The following ERO1A variants were observed in gnomAD, a reference collection of about 807,000 sequenced individuals.
The protein encoded by ERO1A is ERO1-like protein alpha.
A neutral mutation model predicts 76.9 loss-of-function variants in ERO1A; 49 were observed. The ratio of observed to expected loss-of-function variants is 0.64; its 90% CI spans 0.51 to 0.81. The LOEUF is 0.81. Ranked by LOEUF, ERO1A falls within the 30% of genes least tolerant of loss-of-function variation. ERO1A has a pLI of 0.00. For missense variants in ERO1A, 448 were observed against 542.1 expected (o/e 0.83, Z 1.72); for synonymous variants, 174 against 181.2 (o/e 0.96, Z 0.32).
intron 12 of ERO1A, 46 bp downstream of exon 12, chr14:52,653,023 A>T: frequency 7.7e-7 from 1 of 1,307,172 alleles, no homozygotes; most frequent in Non-Finnish European, 1.1e-6. Context: ...CTTGTACATT[A>T]ATTGTCACTC....
chr14:52,693,686 G>A (rs117361350), intron 1 of ERO1A, among the ~76,000 whole-genome samples: 4,702 of 151,524 alleles, frequency 0.031, 249 homozygotes, highest in East Asian at 0.21. Context: ...TTGTAGAGAC[G>A]GGGGTTTCAC....
intron 4 of ERO1A, among the ~76,000 whole-genome samples, chr14:52,674,820 T>C (rs1394617500): frequency 6.6e-6 from 1 of 152,218 alleles, no homozygotes; most frequent in Non-Finnish European, 1.5e-5. Context: ...GGTATATGCA[T>C]TTGTCAACAT....
intron 1 of ERO1A, among the ~76,000 whole-genome samples, chr14:52,686,525 A>C (rs17681013): frequency 0.43 from 65,698 of 152,084 alleles, 15,050 homozygotes; most frequent in Middle Eastern, 0.55. Context: ...CAGAGGTGGC[A>C]TATAGCCAAG....
rs1223696363 is a variant in ERO1A at position 52,640,492 on chromosome 14, CCAAA to C, written c.*3074_*3077del. The C allele has an allele frequency of 6.6e-6, 1 of 152,206 alleles. No individual in the cohort carries two copies. The highest frequency in any genetic ancestry group is 1.5e-5 in the Non-Finnish European group (1 of 68,042). The allele number at this position is 152,206 out of a possible 1,614,324, so 9.4% of individuals were successfully genotyped here. The stretch of plus-strand genomic sequence containing the variant: ...GAAACACATCAGAAGACCTTGTACA[CCAAA>C]CAGAGGAGTTTGGCTTTCTCCTGAA... On this transcript the variant is annotated 3_prime_UTR_variant, in exon 16 of 16. Transcript: ENST00000395686.
intron 11 of ERO1A, among the ~76,000 whole-genome samples, chr14:52,654,536 A>G (rs2039979943): frequency 6.6e-6 from 1 of 152,190 alleles, no homozygotes; most frequent in South Asian, 2.1e-4. Context: ...TGTTTTTTAT[A>G]TATAAATGTA....
intron 8 of ERO1A, among the ~76,000 whole-genome samples, chr14:52,662,622 C>T (rs2040265718): frequency 6.6e-6 from 1 of 152,116 alleles, no homozygotes; most frequent in Non-Finnish European, 1.5e-5. Flanking sequence ...TTCAACAAAC[C>T]ATTCTTCATA....
chr14:52,667,951 A>G (rs1384749598), intron 6 of ERO1A, among the ~76,000 whole-genome samples: 1 of 151,862 alleles, frequency 6.6e-6, no homozygotes, highest in Non-Finnish European at 1.5e-5. Flanking sequence ...AAAACCACAA[A>G]AACAAAAAAA....
chr14:52,660,940 C>T (rs1309012614), intron 9 of ERO1A, among the ~76,000 whole-genome samples: 5 of 152,208 alleles, frequency 3.3e-5, no homozygotes, highest in Non-Finnish European at 5.9e-5. Context: ...ATGCCCAGAA[C>T]CTTCCTACAT....
chr14:52,644,359 G>C (rs1443930453), intron 15 of ERO1A, among the ~76,000 whole-genome samples: 1 of 152,054 alleles, frequency 6.6e-6, no homozygotes, highest in Non-Finnish European at 1.5e-5. Flanking sequence ...AGACTAAGGT[G>C]GGAGAATCTA....
In ERO1A at chr14:52,641,080, TAAG is replaced by T. The variant is rs1191581654; in HGVS notation, c.*2487_*2489del. 6.6e-6 allele frequency: 1 copy of T among 152,112 alleles called. No individual in the cohort carries two copies. The highest frequency in any genetic ancestry group is 2.4e-5 in the African/African-American group (1 of 41,404). The allele number at this position is 152,112 out of a possible 1,614,324, so 9.4% of individuals were successfully genotyped here. A position where few individuals can be genotyped will look rare whatever the true frequency, so the allele number is the denominator to read the frequency against. On this transcript the variant is annotated 3_prime_UTR_variant, in exon 16 of 16. Transcript: ENST00000395686. ...GGGTGGTTCAGGAGTGAGCAAAATG[TAAG>T]AAGTCAAGGGAATAAATCTTTAAAG...
At chr14:52,682,281 T>G (rs764031573) in intron 3 of ERO1A, 44 bp downstream of exon 3, 1 of 1,394,644 alleles carries the variant, frequency 7.2e-7, no homozygotes, top group Admixed American at 2.1e-5. Flanking sequence ...TTATAATGAA[T>G]GAAAAAACAT....
intron 6 of ERO1A, among the ~76,000 whole-genome samples, chr14:52,668,000 A>G (rs1025766059): frequency 3.3e-5 from 5 of 152,016 alleles, no homozygotes; most frequent in Non-Finnish European, 5.9e-5. Flanking sequence ...AATTCACAGT[A>G]TATTAGAAGC....
chr14:52,671,697 T>C lies in ERO1A; in HGVS notation c.441A>G (p.Glu147=), dbSNP rs577194655. 3.2e-5 allele frequency: 52 copies of C among 1,603,976 alleles called. No homozygotes were observed. In the South Asian group the frequency reaches 5.9e-4, roughly 18 times the overall value. The change falls in exon 6 of 16, where the codon GAA becomes GAG. Residue 147 remains glutamate, a synonymous_variant. Coordinates refer to ENST00000395686, the MANE Select transcript of ERO1A (RefSeq NM_014584.3). ...TCCACTGAAGAACAGCCTTCTGTGT[T>C]TCCTCACTTCAAACAAAGAAAAAAA... ...LGAVDESLSE[E]TQKAVLQWTK...
rs1352940380 is a variant in ERO1A at position 52,665,539 on chromosome 14, TATA to T, written c.629+833_629+835del. Among the ~76,000 whole-genome samples, 7 of 152,088 alleles carry T rather than the reference TATA, an allele frequency of 4.6e-5. No homozygotes were observed. The East Asian group carries it at 9.7e-4, about 21-fold the overall frequency. On this transcript the variant is annotated intron_variant, in intron 7 of 15. Transcript: ENST00000395686. The stretch of plus-strand genomic sequence containing the variant: ...TATTTGACTTATAAAAAGTGAAATA[TATA>T]ATATTATCCCCATATTTGGGAACTC...
chr14:52,647,338 TGGTATGAATAA>T (rs2039706500), intron 13 of ERO1A, among the ~76,000 whole-genome samples: 2 of 151,604 alleles, frequency 1.3e-5, no homozygotes, highest in South Asian at 2.1e-4. Context: ...CCCTTCTTTC[TGGTATGAATAA>T]GGTAAACAAT....
At chr14:52,691,494 TCTGA>T (rs1421116361) in intron 1 of ERO1A, among the ~76,000 whole-genome samples, 3 of 152,332 alleles carry the variant, frequency 2.0e-5, no homozygotes, top group African/African-American at 4.8e-5. Context: ...CAAAGATCCC[TCTGA>T]CTAAGTTATA....
intron 3 of ERO1A, among the ~76,000 whole-genome samples, chr14:52,680,347 G>C (rs1465981965): frequency 6.6e-6 from 1 of 152,160 alleles, no homozygotes. Flanking sequence ...TCTGTCAACT[G>C]ATGGAATCAA....
chr14:52,695,555 A>C lies in ERO1A; in HGVS notation c.-74T>G. On this transcript the variant is annotated 5_prime_UTR_variant, in exon 1 of 16. Coordinates refer to ENST00000395686, the MANE Select transcript of ERO1A (RefSeq NM_014584.3). ...GCTCGGTCGCGGGCCGTGCGCCCTCAGATGAAGCCCGTGCGGGCCGGCCCC... is the reference window on the plus strand; with the variant it reads ...GCTCGGTCGCGGGCCGTGCGCCCTCCGATGAAGCCCGTGCGGGCCGGCCCC... 1 of 1,096,498 alleles carries C rather than the reference A, an allele frequency of 9.1e-7. No individual in the cohort carries two copies. Among genetic ancestry groups the C allele is most frequent in the Non-Finnish European group, 1.2e-6 (1 of 826,676 alleles). The allele number at this position is 1,096,498 out of a possible 1,614,324, so 67.9% of individuals were successfully genotyped here.
intron 11 of ERO1A, among the ~76,000 whole-genome samples, chr14:52,655,475 T>C (rs1315181093): frequency 1.3e-5 from 2 of 152,208 alleles, no homozygotes; most frequent in Non-Finnish European, 2.9e-5. Context: ...AATTTTAAAT[T>C]TAATGTTCTA....
Sources: allele counts gnomAD v4.1 joint callset (sites outside exome capture counted in the v4.1 genomes callset), GRCh38; gene constraint gnomAD v4.1.1; transcripts MANE v1.5; gene names NCBI Gene and HGNC (gene_info 2026-07-23, HGNC 2026-07-21).